STOX1: variants seen among roughly 807,000 people sequenced by gnomAD.
The protein encoded by STOX1 is storkhead-box protein 1.
In STOX1, 57 loss-of-function variants were observed where a neutral mutation model predicts 74.8. That is an observed-to-expected ratio of 0.76 (90% CI 0.62 to 0.95). The LOEUF is 0.95. Ranked by LOEUF, STOX1 falls within the 40% of genes least tolerant of loss-of-function variation. The probability of loss-of-function intolerance (pLI) is 0.00; values close to 1 mark genes in which losing one functional copy is unlikely to be tolerated. For synonymous variants in STOX1, 375 were observed against 401.3 expected (o/e 0.93, Z 0.78); for missense variants, 1,010 against 1,117.0 (o/e 0.90, Z 1.37).
chr10:68,845,000 T>C (rs530842424), intron 1 of STOX1, among the ~76,000 whole-genome samples: 2 of 152,328 alleles, frequency 1.3e-5, no homozygotes, highest in Non-Finnish European at 2.9e-5. Flanking sequence ...TGACCTCCAT[T>C]GATCCACCCT....
At chr10:68,842,275 T>C (rs1022904160) in intron 1 of STOX1, among the ~76,000 whole-genome samples, 1 of 152,128 alleles carries the variant, frequency 6.6e-6, no homozygotes, top group Non-Finnish European at 1.5e-5. Context: ...TCAGAGGGCT[T>C]TCAGAGGCCA....
chr10:68,850,185 T>G (rs1006029716), intron 1 of STOX1, among the ~76,000 whole-genome samples: 2 of 152,204 alleles, frequency 1.3e-5, no homozygotes, highest in African/African-American at 4.8e-5. Flanking sequence ...ATTTTTTGTA[T>G]TTTTGGTAGA....
At position 68,886,351 on chromosome 10, in the gene STOX1, A is replaced by T; in HGVS notation, c.2555A>T (p.Glu852Val). 6.2e-7 allele frequency: 1 copy of T among 1,614,240 alleles called. No individual in the cohort carries two copies. Among genetic ancestry groups the T allele is most frequent in the Non-Finnish European group, 8.5e-7 (1 of 1,180,046 alleles). The change falls in exon 3 of 4, where the codon GAA (glutamate) becomes GTA (valine). Residue 852 changes from glutamate to valine, a missense_variant. By Grantham distance (121) the Glu-to-Val change is moderately radical. Coordinates refer to ENST00000298596, the MANE Select transcript of STOX1 (RefSeq NM_152709.5). ...GTACAGGCCTCAGCACCTGCTGATG[A>T]AAGAATCTTTGATTACTATAGCGCA... is the stretch of plus-strand genomic sequence containing the variant. ...KCVQASAPAD[E>V]RIFDYYSARK... is the part of the protein sequence containing the mutation.
At chr10:68,864,356 T>G (rs1188688386) in intron 1 of STOX1, among the ~76,000 whole-genome samples, 4 of 152,238 alleles carry the variant, frequency 2.6e-5, no homozygotes, top group Non-Finnish European at 4.4e-5. Flanking sequence ...TTAGTTATTT[T>G]AAGGAGAATC....
At chr10:68,847,958 C>T (rs1209787196) in intron 1 of STOX1, among the ~76,000 whole-genome samples, 5 of 151,966 alleles carry the variant, frequency 3.3e-5, no homozygotes, top group African/African-American at 7.3e-5. Flanking sequence ...CTCAAACTCC[C>T]GACCTCAGGT....
chr10:68,855,225 A>G (rs1840091761), intron 1 of STOX1, among the ~76,000 whole-genome samples: 1 of 148,722 alleles, frequency 6.7e-6, no homozygotes, highest in Non-Finnish European at 1.5e-5. Context: ...GGTTCAAGCA[A>G]TTCTCCTGCC....
chr10:68,893,638 C>T (rs183763222), downstream of STOX1, among the ~76,000 whole-genome samples: 75 of 152,250 alleles, frequency 4.9e-4, no homozygotes, highest in African/African-American at 1.6e-3. Context: ...AGGATGATCT[C>T]GATCTCCTGA....
chr10:68,834,806 C>T (rs1398063931), intron 1 of STOX1, among the ~76,000 whole-genome samples: 1 of 152,108 alleles, frequency 6.6e-6, no homozygotes, highest in African/African-American at 2.4e-5. Context: ...CTCACTGCAA[C>T]CTATGCCTCC....
intron 1 of STOX1, among the ~76,000 whole-genome samples, chr10:68,842,396 G>T (rs1368461017): frequency 6.6e-6 from 1 of 152,152 alleles, no homozygotes; most frequent in African/African-American, 2.4e-5. Flanking sequence ...GAAACTGCTT[G>T]TCAAGATCAT....
chr10:68,842,809 G>T (rs538692414), intron 1 of STOX1, among the ~76,000 whole-genome samples: 2 of 152,100 alleles, frequency 1.3e-5, no homozygotes, highest in South Asian at 4.2e-4. Flanking sequence ...AAAGTGCTGG[G>T]ATTACAGGTG....
Position 68,884,856 on chromosome 10 carries a change from C to G in STOX1, c.1060C>G (p.Pro354Ala). The change falls in exon 3 of 4, where the codon CCT becomes GCT. Residue 354 changes from proline to alanine, a missense_variant. By Grantham distance (27) the Pro-to-Ala change is conservative (BLOSUM62 -1). Transcript: ENST00000298596. ...AGATGAAGATGACTTGGACAATATC[C>G]CTCGAGATGTTGAACATGAGATAAT... ...VRDEDDLDNI[P>A]RDVEHEIIKR... The G allele has an allele frequency of 1.2e-6, 2 of 1,613,958 alleles. No homozygotes were observed. Among genetic ancestry groups the G allele is most frequent in the Non-Finnish European group, 1.7e-6 (2 of 1,179,940 alleles).
intron 1 of STOX1, chr10:68,828,284 C>A: frequency 1.7e-6 from 2 of 1,155,770 alleles, no homozygotes; most frequent in Non-Finnish European, 2.1e-6. Flanking sequence ...GTGCGGGACC[C>A]GGAGGGGAGG....
chr10:68,860,663 C>T (rs938599392), intron 1 of STOX1, among the ~76,000 whole-genome samples: 4 of 151,056 alleles, frequency 2.6e-5, no homozygotes, highest in Non-Finnish European at 4.4e-5. Flanking sequence ...ATGATGCTTT[C>T]CTGCCTCCAT....
chr10:68,884,810 A>T lies in STOX1; in HGVS notation c.1014A>T (p.Pro338=). Residue 338 remains proline (P), a synonymous_variant, in exon 3 of 4, where the codon CCA becomes CCT. Transcript: ENST00000298596. ...ACAGCAGTTTCTCTGCTCAGTTCCC[A>T]CCTGAAGAATGGCCCGTCCGAGATG... ...TEHSSFSAQF[P]PEEWPVRDED... The T allele has an allele frequency of 6.2e-7, 1 of 1,614,174 alleles. No homozygotes were observed. Among genetic ancestry groups the T allele is most frequent in the African/African-American group, 1.3e-5 (1 of 75,036 alleles).
intron 3 of STOX1, among the ~76,000 whole-genome samples, chr10:68,891,148 T>A (rs1841087863): frequency 6.6e-6 from 1 of 152,340 alleles, no homozygotes; most frequent in South Asian, 2.1e-4. Flanking sequence ...GATTGCTTAT[T>A]TTTAAGCAAT....
At chr10:68,891,692 C>G (rs1183515044) in intron 3 of STOX1, among the ~76,000 whole-genome samples, 1 of 151,772 alleles carries the variant, frequency 6.6e-6, no homozygotes, top group African/African-American at 2.4e-5. Context: ...ATCCCAGCTA[C>G]TCAGGAGGCT....
rs35174437 is a variant in STOX1, at chr10:68,888,802, ATTTTTTTTTTTTTTTTTT to A, written c.2822+2199_2822+2216del. On this transcript the variant is annotated intron_variant, in intron 3 of 3. Transcript: ENST00000298596. ...AGGCATATGTCACTATGCCCAGCTA[ATTTTTTTTTTTTTTTTTT>A]TTTTTTTTTTTTTTGGAGAGATGGG... Among the ~76,000 whole-genome samples, 77 of 32,076 alleles carry A rather than the reference ATTTTTTTTTTTTTTTTTT, an allele frequency of 2.4e-3. 1 individual carries two copies. The South Asian group carries it at 0.025, about 10-fold the overall frequency. The allele number at this position is 32,076 out of a possible 152,430, so 21.0% of individuals were successfully genotyped here.
At chr10:68,890,752 T>C (rs747020466) in intron 3 of STOX1, among the ~76,000 whole-genome samples, 14 of 150,928 alleles carry the variant, frequency 9.3e-5, no homozygotes, top group African/African-American at 2.9e-4. Context: ...CCGGGTTCAA[T>C]TGATTCTCCT....
intron 1 of STOX1, among the ~76,000 whole-genome samples, chr10:68,879,617 G>A (rs1410271204): frequency 1.3e-5 from 2 of 152,042 alleles, no homozygotes; most frequent in Non-Finnish European, 2.9e-5. Context: ...GAAAACCACA[G>A]CATCCAGTCA....
Sources: allele counts gnomAD v4.1 joint callset (sites outside exome capture counted in the v4.1 genomes callset), GRCh38; gene constraint gnomAD v4.1.1; transcripts MANE v1.5; gene names NCBI Gene and HGNC (gene_info 2026-07-23, HGNC 2026-07-21).